Variants in LAMB4 observed in about 807,000 individuals in gnomAD.
LAMB4 encodes the protein laminin subunit beta-4.
A neutral mutation model predicts 199.2 loss-of-function variants in LAMB4; 196 were observed. The observed-to-expected ratio is 0.98, with a 90% CI of 0.88 to 1.11. LAMB4 has a LOEUF of 1.11. Among genes scored for constraint, LAMB4 ranks in the 50% least tolerant of loss-of-function variants. LAMB4 has a pLI of 0.00. For synonymous variants in LAMB4, 744 were observed against 770.6 expected, an observed-to-expected ratio of 0.97 and a Z score of 0.57; for missense variants, 2,080 against 2,171.2, an observed-to-expected ratio of 0.96 and a Z score of 0.83.
chr7:108,070,747 T>A (rs929141763), intron 17 of LAMB4, among the ~76,000 whole-genome samples: 5 of 152,196 alleles, frequency 3.3e-5, no homozygotes, highest in African/African-American at 4.8e-5. Flanking sequence ...AGTAGTTAAG[T>A]TTTTGGGGAG....
the LAMB4 span, among the ~76,000 whole-genome samples, chr7:108,013,456 T>C: frequency 4.6e-5 from 7 of 152,226 alleles, no homozygotes; most frequent in Admixed American, 3.3e-4. Context: ...TGCATGAATA[T>C]TAATACATAA....
rs2034935000 is a variant in LAMB4, at chr7:108,028,991, G to C, written c.5146+52C>G. ...TGGTATAAATTCTACTAGTAAGGTAGAGTACCATGATGTTATTATCAAATT... is the reference window on the plus strand; with the variant it reads ...TGGTATAAATTCTACTAGTAAGGTACAGTACCATGATGTTATTATCAAATT... On this transcript the variant is annotated intron_variant, in intron 33 of 33. Coordinates refer to ENST00000388781, the MANE Select transcript of LAMB4 (RefSeq NM_007356.3). 6.0e-6 allele frequency: 9 copies of C among 1,504,928 alleles called. No individual in the cohort carries two copies. The South Asian group carries it at 1.1e-4, about 19-fold the overall frequency. The allele number at this position is 1,504,928 out of a possible 1,614,324, so 93.2% of individuals were successfully genotyped here. A position where few individuals can be genotyped will look rare whatever the true frequency, so the allele number is the denominator to read the frequency against.
At chr7:108,075,892 G>A (rs1391746549) in intron 17 of LAMB4, 2 of 162,638 alleles carry the variant, frequency 1.2e-5, no homozygotes, top group South Asian at 1.5e-4. Context: ...CTCAGGAGGC[G>A]GAGGTTGCAG....
chr7:108,119,768 A>G (rs112337791), intron 2 of LAMB4, among the ~76,000 whole-genome samples: 1 of 152,210 alleles, frequency 6.6e-6, no homozygotes, highest in Non-Finnish European at 1.5e-5. Context: ...GAGTACATGT[A>G]TAACTGGTGA....
chr7:108,077,177 T>A, intron 16 of LAMB4, 113 bp from the exon 17 acceptor site: 1 of 1,079,852 alleles, frequency 9.3e-7, no homozygotes, highest in Non-Finnish European at 1.4e-6. Context: ...ACCTCCACTG[T>A]GGGGCTGAGG....
At chr7:108,011,973 A>C in the LAMB4 span, among the ~76,000 whole-genome samples, 1 of 151,810 alleles carries the variant, frequency 6.6e-6, no homozygotes, top group Non-Finnish European at 1.5e-5. Context: ...CAATATAAAC[A>C]CATATTTATA....
At chr7:108,057,738 A>G in intron 24 of LAMB4, 94 bp downstream of exon 24, 1 of 778,282 alleles carries the variant, frequency 1.3e-6, no homozygotes, top group South Asian at 1.6e-5. Context: ...AAAAGCACCA[A>G]AAAAAGAAAT....
Position 108,098,545 on chromosome 7 carries a change from G to A in LAMB4, c.1218C>T (p.Gly406=). Residue 406 remains glycine (G), a synonymous_variant, in exon 11 of 34, where the codon GGC becomes GGT. Coordinates refer to ENST00000388781, the MANE Select transcript of LAMB4 (RefSeq NM_007356.3). The part of the protein sequence containing the change: ...ECDPDGTISG[G]ICVSHSDPAL... ...CAGGATCAGAGTGGCTCACACAAAT[G>A]CCACCAGATATGGTCCCATCGGGGT... The A allele has an allele frequency of 6.2e-7, 1 of 1,612,798 alleles. No homozygotes were observed. The highest frequency in any genetic ancestry group is 8.5e-7 in the Non-Finnish European group (1 of 1,179,692).
intron 12 of LAMB4, among the ~76,000 whole-genome samples, chr7:108,093,759 A>C (rs1050376944): frequency 1.6e-4 from 25 of 152,344 alleles, no homozygotes; most frequent in African/African-American, 6.0e-4. Flanking sequence ...TAGGTATGAA[A>C]TTCTCTTTGG....
intron 14 of LAMB4, among the ~76,000 whole-genome samples, chr7:108,090,839 T>C (rs2037371133): frequency 6.6e-6 from 1 of 152,150 alleles, no homozygotes; most frequent in Non-Finnish European, 1.5e-5. Context: ...CCTACCGCAG[T>C]TGTTACATCT....
the LAMB4 span, among the ~76,000 whole-genome samples, chr7:108,012,564 A>C: frequency 6.6e-6 from 1 of 152,372 alleles, no homozygotes; most frequent in Admixed American, 6.5e-5. Context: ...AAAGGTCTAT[A>C]GAATTAAAAC....
intron 1 of LAMB4, among the ~76,000 whole-genome samples, chr7:108,129,119 G>A (rs1382894358): frequency 6.6e-6 from 1 of 152,142 alleles, no homozygotes; most frequent in Non-Finnish European, 1.5e-5. Flanking sequence ...CTCACTTGAA[G>A]GCTGCAAAGA....
chr7:108,093,007 G>A (rs2037467581), intron 12 of LAMB4, among the ~76,000 whole-genome samples: 1 of 152,170 alleles, frequency 6.6e-6, no homozygotes, highest in South Asian at 2.1e-4. Flanking sequence ...CATCAGTTAT[G>A]CTCAATCTGG....
rs778886036 is a variant in LAMB4 at position 108,052,103 on chromosome 7, T to C, written c.3910A>G (p.Ile1304Val). 1 of 1,603,976 alleles carries C rather than the reference T, an allele frequency of 6.2e-7. No individual in the cohort carries two copies. The part of the protein sequence containing the change: ...DLQSSVLNAS[I>V]ADSSENIKKY... Reference sequence around the variant, plus strand: ...AAATACATTTTTCCCTTACCCGCAATGCTTGCATTAAGGACACTGGATTGC... The same window carrying C: ...AAATACATTTTTCCCTTACCCGCAACGCTTGCATTAAGGACACTGGATTGC... Residue 1304 changes from isoleucine (I) to valine (V), a missense_variant, in exon 26 of 34, where the codon ATT becomes GTT. Ile to Val is a conservative substitution (Grantham distance 29). Coordinates refer to ENST00000388781, the MANE Select transcript of LAMB4 (RefSeq NM_007356.3).
intron 5 of LAMB4, among the ~76,000 whole-genome samples, chr7:108,108,151 C>T (rs1014766745): frequency 6.6e-6 from 1 of 152,100 alleles, no homozygotes; most frequent in Admixed American, 6.5e-5. Context: ...CCAGACTGTT[C>T]TCAAACTCCT....
At chr7:108,104,399 C>G in intron 9 of LAMB4, 100 bp downstream of exon 9, 1 of 1,419,670 alleles carries the variant, frequency 7.0e-7, no homozygotes, top group South Asian at 1.3e-5. Context: ...ACAGCCTCCC[C>G]ACTTTGGTGC....
In LAMB4 at chr7:108,091,619, T is replaced by C. The variant is rs1452607123; in HGVS notation, c.1701+7A>G. ...CAGTCTGTAGGGAAAGTAAATGAAA[T>C]ACGAACCAAAGGCGCCAGTCCTTGG... On this transcript the variant is annotated splice_region_variant and intron_variant, in intron 14 of 33. Transcript: ENST00000388781. 13 of 1,611,750 alleles carry C rather than the reference T, an allele frequency of 8.1e-6. No individual in the cohort carries two copies. Among genetic ancestry groups the C allele is most frequent in the South Asian group, 1.1e-5 (1 of 90,706 alleles).
intron 11 of LAMB4, among the ~76,000 whole-genome samples, chr7:108,097,186 T>C (rs1271536400): frequency 1.3e-5 from 2 of 152,162 alleles, no homozygotes; most frequent in African/African-American, 4.8e-5. Context: ...CAATGTTTTC[T>C]AAACATGCAA....
At chr7:108,030,688 A>C (rs553137309) in intron 32 of LAMB4, 118 bp downstream of exon 32, 1 of 915,738 alleles carries the variant, frequency 1.1e-6, no homozygotes, top group African/African-American at 1.7e-5. Flanking sequence ...TATACCATTG[A>C]GTCATGGACC....
Sources: gnomAD v4.1 joint callset for allele counts (sites outside exome capture counted in the v4.1 genomes callset) on GRCh38, gnomAD v4.1.1 for gene constraint, MANE v1.5 for transcripts, NCBI Gene and HGNC (gene_info 2026-07-23, HGNC 2026-07-21) for gene names.